Variants in WTAP observed in about 807,000 individuals in gnomAD.
The protein encoded by WTAP is pre-mRNA-splicing regulator WTAP.
In WTAP, 8 loss-of-function variants were observed where a neutral mutation model predicts 50.0. The observed-to-expected ratio is 0.16, with a 90% CI of 0.09 to 0.29. WTAP has a LOEUF of 0.29. WTAP is among the 10% of genes least tolerant of loss of function. The probability of loss-of-function intolerance (pLI) is 1.00; values close to 1 mark genes in which losing one functional copy is unlikely to be tolerated. For missense variants in WTAP, 295 were observed against 470.7 expected (o/e 0.63, Z 3.45); for synonymous variants, 194 against 169.0 (o/e 1.15, Z -1.15).
chr6:159,739,167 T>A (rs1779094461), intron 3 of WTAP, 122 bp downstream of exon 3: 1 of 779,336 alleles, frequency 1.3e-6, no homozygotes, highest in African/African-American at 1.8e-5. Flanking sequence ...AATAATTTAA[T>A]GTACTTTTTG....
At chr6:159,738,847 T>C (rs191136658) in intron 2 of WTAP, 143 bp from the exon 3 acceptor site, 22 of 527,396 alleles carry the variant, frequency 4.2e-5, no homozygotes, top group African/African-American at 3.9e-4. Flanking sequence ...AAAAAAACTT[T>C]TGTAATAAAA....
At chr6:159,736,131 T>A (rs534171230) in intron 1 of WTAP, 127 bp from the exon 2 acceptor site, 2 of 979,838 alleles carry the variant, frequency 2.0e-6, no homozygotes, top group Non-Finnish European at 3.0e-6. Context: ...ATTGTTTATT[T>A]AAATTCTAAT....
intron 6 of WTAP, among the ~76,000 whole-genome samples, chr6:159,752,228 T>G (rs1324721450): frequency 6.6e-6 from 1 of 152,228 alleles, no homozygotes; most frequent in Non-Finnish European, 1.5e-5. Flanking sequence ...ATTTAAAAAA[T>G]GTTTTAACCC....
intron 6 of WTAP, among the ~76,000 whole-genome samples, chr6:159,750,252 T>C (rs1333913616): frequency 1.3e-5 from 2 of 152,208 alleles, no homozygotes. Context: ...TTTTAGTAGA[T>C]TTTAGTAGAA....
At position 159,730,598 on chromosome 6, in the gene WTAP, T is replaced by C. The variant is rs530543362; in HGVS notation, c.-9+2895T>C. 3.9e-5 allele frequency among the ~76,000 whole-genome samples: 6 copies of C among 152,256 alleles called. No individual in the cohort carries two copies. In the East Asian group the frequency reaches 1.2e-3, roughly 29 times the overall value. ...CTGTTCTAATTTGCCTTTTGCCAGA[T>C]GGCGCATTTAACTTTGTGGCATATC... On this transcript the variant is annotated intron_variant, in intron 1 of 7. Coordinates refer to ENST00000621533, the MANE Select transcript of WTAP (RefSeq NM_001270531.2).
intron 3 of WTAP, among the ~76,000 whole-genome samples, chr6:159,741,289 G>A (rs530166144): frequency 6.6e-6 from 1 of 152,160 alleles, no homozygotes; most frequent in Non-Finnish European, 1.5e-5. Context: ...CATTTATGCA[G>A]GTTTCTGACA....
At chr6:159,745,985 T>C (rs541942231) in intron 5 of WTAP, among the ~76,000 whole-genome samples, 4 of 152,324 alleles carry the variant, frequency 2.6e-5, no homozygotes, top group Admixed American at 2.0e-4. Context: ...ACGATGCTAC[T>C]AGGATAGATC....
chr6:159,737,601 C>T (rs1220952703), intron 2 of WTAP, among the ~76,000 whole-genome samples: 2 of 152,196 alleles, frequency 1.3e-5, no homozygotes, highest in African/African-American at 4.8e-5. Context: ...ATGCGATCCT[C>T]CCACCTTTGC....
chr6:159,731,676 C>A (rs1404229375), intron 1 of WTAP, among the ~76,000 whole-genome samples: 1 of 151,962 alleles, frequency 6.6e-6, no homozygotes, highest in Non-Finnish European at 1.5e-5. Flanking sequence ...AATTAAATGC[C>A]CATTTTGTGC....
chr6:159,749,233 AG>A (rs1779733864), intron 6 of WTAP: 1 of 985,700 alleles, frequency 1.0e-6, no homozygotes, highest in South Asian at 4.7e-5. Context: ...AGATTGTATA[AG>A]GATATTAGCT....
intron 5 of WTAP, among the ~76,000 whole-genome samples, chr6:159,746,296 T>C (rs934556103): frequency 2.6e-5 from 4 of 152,096 alleles, no homozygotes; most frequent in Non-Finnish European, 5.9e-5. Flanking sequence ...AGGGAATAGG[T>C]TAAGCGAATG....
Position 159,748,250 on chromosome 6 carries a change from A to G in WTAP, c.333A>G (p.Thr111=), listed in dbSNP as rs1417060999. Reference sequence around the variant, plus strand: ...CGAGCGTTGCCCAACTGAGATCAACAATGGTAGACCCAGCGATCAACTTGT... The same window carrying G: ...CGAGCGTTGCCCAACTGAGATCAACGATGGTAGACCCAGCGATCAACTTGT... ...QQPSVAQLRS[T]MVDPAINLFF... The change falls in exon 6 of 8, where the codon ACA becomes ACG. Residue 111 remains threonine, a synonymous_variant. Coordinates refer to ENST00000621533, the MANE Select transcript of WTAP (RefSeq NM_001270531.2). The surrounding 1 kb of genome is among the most constrained non-coding windows in gnomAD (Gnocchi z 5.6). 4.3e-6 allele frequency: 7 copies of G among 1,614,002 alleles called. No individual in the cohort carries two copies. The highest frequency in any genetic ancestry group is 2.2e-5 in the East Asian group (1 of 44,896).
intron 3 of WTAP, among the ~76,000 whole-genome samples, chr6:159,741,072 T>G (rs116300575): frequency 0.015 from 2,298 of 152,310 alleles, 56 homozygotes; most frequent in African/African-American, 0.052. Flanking sequence ...AGCCAAATTT[T>G]AATTAATTGT....
rs538365464 is a variant in WTAP at position 159,736,201 on chromosome 6, C to T, written c.-8-57C>T. The T allele has an allele frequency of 1.6e-5, 25 of 1,535,158 alleles. No homozygotes were observed. The South Asian group carries it at 2.5e-4, about 15-fold the overall frequency. On this transcript the variant is annotated intron_variant, in intron 1 of 7. Transcript: ENST00000621533. ...TTTGAAAGAGTCAGTATTTTTTATTCCTACTTTCACTGGAAGAAAATAAAT... is the reference window on the plus strand; with the variant it reads ...TTTGAAAGAGTCAGTATTTTTTATTTCTACTTTCACTGGAAGAAAATAAAT...
rs756723535 is a variant in WTAP, at chr6:159,743,811, A to G, written c.273+19A>G. On this transcript the variant is annotated intron_variant, in intron 5 of 7. Coordinates refer to ENST00000621533, the MANE Select transcript of WTAP (RefSeq NM_001270531.2). ...GTGTACTGTAAGTATTTCAAGTTAT[A>G]TAAATGTCTTTAGTTGAGGAATTGG... 2.5e-5 allele frequency: 39 copies of G among 1,584,510 alleles called. No homozygotes were observed. In the African/African-American group the frequency reaches 3.4e-4, roughly 14 times the overall value.
chr6:159,727,154 C>G (rs1036286956), upstream of WTAP: 8 of 1,194,432 alleles, frequency 6.7e-6, no homozygotes, highest in Non-Finnish European at 8.5e-6. Context: ...CCGGGGCCCG[C>G]GGAGCTCGCG....
rs1404176074 is a variant in WTAP at position 159,728,990 on chromosome 6, C to T, written c.-9+1287C>T. Reference sequence around the variant, plus strand: ...TTATTTTTACATGGCTCTTTTATGTCTAGCTTTTCCAATTCAACGTTGAGT... The same window carrying T: ...TTATTTTTACATGGCTCTTTTATGTTTAGCTTTTCCAATTCAACGTTGAGT... On this transcript the variant is annotated intron_variant, in intron 1 of 7. Coordinates refer to ENST00000621533, the MANE Select transcript of WTAP (RefSeq NM_001270531.2). 3.3e-5 allele frequency among the ~76,000 whole-genome samples: 5 copies of T among 152,128 alleles called. No individual in the cohort carries two copies. The East Asian group carries it at 7.7e-4, about 23-fold the overall frequency.
chr6:159,744,923 T>G (rs1168349042), intron 5 of WTAP, among the ~76,000 whole-genome samples: 1 of 152,172 alleles, frequency 6.6e-6, no homozygotes, highest in Non-Finnish European at 1.5e-5. Context: ...TTGGCAATCC[T>G]TACTCCTTGG....
intron 6 of WTAP, among the ~76,000 whole-genome samples, chr6:159,751,740 A>G (rs187476708): frequency 7.2e-4 from 109 of 152,346 alleles, no homozygotes; most frequent in Admixed American, 3.3e-3. Context: ...AAGCTTAATT[A>G]CAAACTTTTC....
Sources: gnomAD v4.1 joint callset for allele counts (sites outside exome capture counted in the v4.1 genomes callset) on GRCh38, gnomAD v4.1.1 for gene constraint, Gnocchi (gnomAD v3.1) non-coding constraint, MANE v1.5 for transcripts, NCBI Gene and HGNC (gene_info 2026-07-23, HGNC 2026-07-21) for gene names.